Variants in SAMD12 observed in about 807,000 individuals in gnomAD.
The protein encoded by SAMD12 is sterile alpha motif domain containing 12, also known as sterile alpha motif domain-containing protein 12.
A neutral mutation model predicts 15.0 loss-of-function variants in SAMD12; 9 were observed. That is an observed-to-expected ratio of 0.60 (90% CI 0.36 to 1.05). The LOEUF (loss-of-function observed/expected upper bound fraction) is 1.05, where lower values mean the gene tolerates loss of function less well. SAMD12 is among the 50% of genes least tolerant of loss of function. The pLI is 0.01. For missense variants in SAMD12, 230 were observed against 234.2 expected, an observed-to-expected ratio of 0.98 and a Z score of 0.12; for synonymous variants, 86 against 90.1, an observed-to-expected ratio of 0.96 and a Z score of 0.25.
At chr8:118,132,413 CCTT>C in the SAMD12 span, among the ~76,000 whole-genome samples, 1 of 152,166 alleles carries the variant, frequency 6.6e-6, no homozygotes, top group African/African-American at 2.4e-5. Flanking sequence ...TATTCCAACT[CCTT>C]CTTCCTTAGT....
At chr8:118,301,675 T>C (rs1815032666) in intron 4 of SAMD12, among the ~76,000 whole-genome samples, 1 of 152,244 alleles carries the variant, frequency 6.6e-6, no homozygotes, top group East Asian at 1.9e-4. Flanking sequence ...TCGTGATGGA[T>C]ATATTTTATT....
intron 2 of SAMD12, among the ~76,000 whole-genome samples, chr8:118,558,012 C>A (rs1826591393): frequency 6.6e-6 from 1 of 152,148 alleles, no homozygotes; most frequent in South Asian, 2.1e-4. Flanking sequence ...ATCCACTTAT[C>A]TGGTCTTCTA....
chr8:118,354,617 C>T (rs1027827099), intron 4 of SAMD12, among the ~76,000 whole-genome samples: 10 of 152,188 alleles, frequency 6.6e-5, no homozygotes, highest in African/African-American at 2.4e-4. Flanking sequence ...AAAGTCAGTT[C>T]CTAGTCACAC....
chr8:118,468,807 G>A (rs1490585062), intron 2 of SAMD12, among the ~76,000 whole-genome samples: 2 of 152,148 alleles, frequency 1.3e-5, no homozygotes, highest in African/African-American at 4.8e-5. Flanking sequence ...TTGTCACTGT[G>A]CAGAGAAGGG....
At chr8:118,396,803 C>T (rs940347699) in intron 3 of SAMD12, among the ~76,000 whole-genome samples, 19 of 152,166 alleles carry the variant, frequency 1.2e-4, no homozygotes, top group Middle Eastern at 3.2e-3. Context: ...GAAACCAGTT[C>T]GGAACCTAGA....
At chr8:118,235,696 T>C (rs1213689071) in intron 4 of SAMD12, among the ~76,000 whole-genome samples, 1 of 152,168 alleles carries the variant, frequency 6.6e-6, no homozygotes, top group Non-Finnish European at 1.5e-5. Context: ...TGAGATCATA[T>C]TTGAAGAGTG....
exon 5 of SAMD12, chr8:118,197,392 G>T: frequency 2.3e-6 from 1 of 436,576 alleles, no homozygotes; most frequent in Non-Finnish European, 4.1e-6. Flanking sequence ...TCTAGTGAAG[G>T]GCACAGACAG....
intron 4 of SAMD12, among the ~76,000 whole-genome samples, chr8:118,206,208 A>C (rs1488529576): frequency 6.6e-6 from 1 of 152,222 alleles, no homozygotes; most frequent in African/African-American, 2.4e-5. Flanking sequence ...ACTCTGTTTA[A>C]TCATAGCCTT....
chr8:118,498,852 A>G (rs899940259), intron 2 of SAMD12, among the ~76,000 whole-genome samples: 1 of 152,238 alleles, frequency 6.6e-6, no homozygotes. Context: ...CCTAGAGGAC[A>G]GTCAAAACAC....
intron 3 of SAMD12, among the ~76,000 whole-genome samples, chr8:118,419,566 C>A (rs1171317117): frequency 2.6e-5 from 4 of 152,150 alleles, no homozygotes; most frequent in Non-Finnish European, 5.9e-5. Flanking sequence ...TTTTTCAGCC[C>A]CAGCCATCAC....
At chr8:118,535,421 C>T (rs143184833) in intron 2 of SAMD12, among the ~76,000 whole-genome samples, 3,293 of 152,320 alleles carry the variant, frequency 0.022, 108 homozygotes, top group African/African-American at 0.071. Flanking sequence ...ACGCAGTCTG[C>T]CCGTTCTCAG....
intron 4 of SAMD12, chr8:118,284,223 T>C (rs1251603639): frequency 4.5e-6 from 2 of 446,116 alleles, no homozygotes; most frequent in Non-Finnish European, 8.9e-6. Flanking sequence ...GTTTCTTGCA[T>C]TTTTTAAAGG....
At chr8:118,510,761 A>T (rs1825058470) in intron 2 of SAMD12, among the ~76,000 whole-genome samples, 1 of 152,232 alleles carries the variant, frequency 6.6e-6, no homozygotes, top group African/African-American at 2.4e-5. Context: ...ATGCTGGGGC[A>T]AAAGAGTACT....
chr8:118,164,236 G>T, the SAMD12 span, among the ~76,000 whole-genome samples: 1 of 152,100 alleles, frequency 6.6e-6, no homozygotes, highest in Admixed American at 6.5e-5. Context: ...TTATTATTTG[G>T]AGTCAAAGTG....
chr8:118,541,826 C>A (rs1315701626), intron 2 of SAMD12, among the ~76,000 whole-genome samples: 2 of 152,146 alleles, frequency 1.3e-5, no homozygotes, highest in Non-Finnish European at 2.9e-5. Context: ...TGTGTTAACT[C>A]ATGTTGACTT....
At chr8:118,152,009 G>C in the SAMD12 span, among the ~76,000 whole-genome samples, 1,246 of 152,130 alleles carry the variant, frequency 8.2e-3, 18 homozygotes, top group African/African-American at 0.027. Context: ...AAAGACCCAA[G>C]AGTGAAAAGA....
At chr8:118,463,579 C>T (rs543185358) in intron 2 of SAMD12, among the ~76,000 whole-genome samples, 2 of 152,088 alleles carry the variant, frequency 1.3e-5, no homozygotes, top group East Asian at 1.9e-4. Context: ...AACTGGAAGA[C>T]GAATGGGAGA....
At chr8:118,553,715 C>G (rs1352949690) in intron 2 of SAMD12, among the ~76,000 whole-genome samples, 2 of 151,458 alleles carry the variant, frequency 1.3e-5, no homozygotes, top group Non-Finnish European at 2.9e-5. Context: ...TTCTGCACAG[C>G]AAAAGAAACT....
chr8:118,507,064 A>C (rs1345595718), intron 2 of SAMD12, among the ~76,000 whole-genome samples: 1 of 152,112 alleles, frequency 6.6e-6, no homozygotes, highest in East Asian at 1.9e-4. Context: ...TTACATAATC[A>C]GTCTAGCTAC....
Sources: allele counts gnomAD v4.1 joint callset (sites outside exome capture counted in the v4.1 genomes callset), GRCh38; gene constraint gnomAD v4.1.1; transcripts MANE v1.5; gene names NCBI Gene and HGNC (gene_info 2026-07-23, HGNC 2026-07-21).